The following PMP22 variants were observed in gnomAD, a reference collection of about 807,000 sequenced individuals.
PMP22 encodes the protein peripheral myelin protein 22.
In PMP22, 2 loss-of-function variants were observed where a neutral mutation model predicts 18.9. That is an observed-to-expected ratio of 0.11 (90% CI 0.04 to 0.33). The LOEUF is 0.33. Among genes scored for constraint, PMP22 ranks in the 10% least tolerant of loss-of-function variants. The probability of loss-of-function intolerance (pLI) is 1.00; values close to 1 mark genes in which losing one functional copy is unlikely to be tolerated. For synonymous variants in PMP22, 95 were observed against 89.2 expected (o/e 1.07, Z -0.37); for missense variants, 169 against 202.2 (o/e 0.84, Z 1.00).
At chr17:15,234,067 G>A (rs908505473) in intron 4 of PMP22, among the ~76,000 whole-genome samples, 1 of 152,208 alleles carries the variant, frequency 6.6e-6, no homozygotes, top group African/African-American at 2.4e-5. Flanking sequence ...GCTGGAAGGT[G>A]CATGAGGAGG....
chr17:15,263,513 C>T (rs1051709573), intron 1 of PMP22, among the ~76,000 whole-genome samples: 1 of 151,898 alleles, frequency 6.6e-6, no homozygotes, highest in Non-Finnish European at 1.5e-5. Flanking sequence ...CCTTGAGGCA[C>T]GGGACAGGGA....
Position 15,258,853 on chromosome 17 carries a change from G to T in PMP22, c.178+241C>A, listed in dbSNP as rs1909054829. 4 of 575,442 alleles carry T rather than the reference G, an allele frequency of 7.0e-6. No individual in the cohort carries two copies. The highest frequency in any genetic ancestry group is 9.4e-6 in the Non-Finnish European group (3 of 318,316). 35.6% of individuals were successfully genotyped at this position (575,442 alleles called of 1,614,324 possible). On this transcript the variant is annotated intron_variant, in intron 3 of 4. Transcript: ENST00000312280. This position sits in a 1 kb window ranked among gnomAD's most constrained non-coding sequence, Gnocchi z 4.1. ...AAAAAGCATTATCCTAAGTGATCAGGAGGGCACTAAGGGCATGTCTCTAGG... is the reference window on the plus strand; with the variant it reads ...AAAAAGCATTATCCTAAGTGATCAGTAGGGCACTAAGGGCATGTCTCTAGG...
At chr17:15,250,198 G>T (rs1252307869) in intron 3 of PMP22, among the ~76,000 whole-genome samples, 1 of 152,152 alleles carries the variant, frequency 6.6e-6, no homozygotes, top group Non-Finnish European at 1.5e-5. Context: ...GATTATAGGC[G>T]TGAGCCACCG....
At chr17:15,234,107 G>A (rs951500795) in intron 4 of PMP22, among the ~76,000 whole-genome samples, 1 of 152,162 alleles carries the variant, frequency 6.6e-6, no homozygotes, top group Admixed American at 6.5e-5. Flanking sequence ...GGGTTAGTGA[G>A]TCAAGACAAA....
intron 1 of PMP22, 198 bp from the exon 2 acceptor site, chr17:15,260,959 G>T: frequency 2.8e-6 from 1 of 354,190 alleles, no homozygotes; most frequent in Non-Finnish European, 5.0e-6. Flanking sequence ...CCAGCGCCCA[G>T]TGCCCAGCGC....
chr17:15,238,151 G>C (rs1906973488), intron 4 of PMP22, among the ~76,000 whole-genome samples: 1 of 152,184 alleles, frequency 6.6e-6, no homozygotes, highest in Non-Finnish European at 1.5e-5. Flanking sequence ...CAGGAGCTTG[G>C]CTTGGTGTCA....
chr17:15,238,111 A>G (rs1331113058), intron 4 of PMP22, among the ~76,000 whole-genome samples: 1 of 152,166 alleles, frequency 6.6e-6, no homozygotes, highest in Non-Finnish European at 1.5e-5. Context: ...TCCTTGCATA[A>G]TTAGTCATTT....
At chr17:15,234,044 G>A (rs1237765129) in intron 4 of PMP22, among the ~76,000 whole-genome samples, 1 of 152,208 alleles carries the variant, frequency 6.6e-6, no homozygotes, top group Non-Finnish European at 1.5e-5. Context: ...CAGGGGCAGG[G>A]ACAAGGCAGG....
chr17:15,247,372 C>CAAA (rs1414773921), intron 3 of PMP22, among the ~76,000 whole-genome samples: 1 of 151,868 alleles, frequency 6.6e-6, no homozygotes, highest in African/African-American at 2.4e-5. Context: ...GTCTCAAAAA[C>CAAA]AACAACAACA....
chr17:15,231,016 C>G lies in PMP22; in HGVS notation c.384G>C (p.Ser128=), dbSNP rs757027432. The part of the protein sequence containing the change: ...TVRHPEWHLN[S]DYSYGFAYIL... Reference sequence around the variant, plus strand: ...TGTAGGCGAAACCGTAGGAGTAATCCGAGTTGAGATGCCACTCCGGGTGCC... The same window carrying G: ...TGTAGGCGAAACCGTAGGAGTAATCGGAGTTGAGATGCCACTCCGGGTGCC... The change falls in exon 5 of 5, where the codon TCG becomes TCC. Residue 128 remains serine (S), a synonymous_variant. Coordinates refer to ENST00000312280, the MANE Select transcript of PMP22 (RefSeq NM_000304.4). The G allele has an allele frequency of 6.2e-7, 1 of 1,614,118 alleles. No homozygotes were observed. Among genetic ancestry groups the G allele is most frequent in the Non-Finnish European group, 8.5e-7 (1 of 1,180,004 alleles).
rs558405639 is a variant in PMP22 at position 15,247,206 on chromosome 17, A to G, written c.179-7595T>C. Reference sequence around the variant, plus strand: ...AACACGGTGAAACCTCGTCTCTACTAAAAATACAAAAAATTAGCTGGGCGT... The same window carrying G: ...AACACGGTGAAACCTCGTCTCTACTGAAAATACAAAAAATTAGCTGGGCGT... On this transcript the variant is annotated intron_variant, in intron 3 of 4. Coordinates refer to ENST00000312280, the MANE Select transcript of PMP22 (RefSeq NM_000304.4). Among the ~76,000 whole-genome samples the G allele has an allele frequency of 1.8e-4, 27 of 152,054 alleles. No individual in the cohort carries two copies. The South Asian group carries it at 5.4e-3, about 30-fold the overall frequency.
chr17:15,238,108 A>C (rs1906969185), intron 4 of PMP22, among the ~76,000 whole-genome samples: 1 of 152,170 alleles, frequency 6.6e-6, no homozygotes, highest in South Asian at 2.1e-4. Flanking sequence ...ATCTCCTTGC[A>C]TAATTAGTCA....
chr17:15,254,079 G>A (rs768100566), intron 3 of PMP22, among the ~76,000 whole-genome samples: 1 of 152,216 alleles, frequency 6.6e-6, no homozygotes, highest in African/African-American at 2.4e-5. Flanking sequence ...GAAATTCCAA[G>A]ATGAGGGGAA....
chr17:15,259,295 A>G (rs1597633383), intron 2 of PMP22, 102 bp from the exon 3 acceptor site: 1 of 854,618 alleles, frequency 1.2e-6, no homozygotes, highest in South Asian at 1.4e-5. Flanking sequence ...ACCCGCATCC[A>G]CCTAGCCACA....
At position 15,239,433 on chromosome 17, in the gene PMP22, A is replaced by G. The variant is rs776999058; in HGVS notation, c.319+38T>C. On this transcript the variant is annotated intron_variant, in intron 4 of 4. Transcript: ENST00000312280. ...CTAATCATTCCGCAGACTTGGATGC[A>G]CCCCGCTTCCACATGGACTTTACCA... The G allele has an allele frequency of 3.7e-6, 6 of 1,611,758 alleles. No homozygotes were observed. In the South Asian group the frequency reaches 4.4e-5, roughly 12 times the overall value.
At chr17:15,249,905 T>C (rs2150693090) in intron 3 of PMP22, among the ~76,000 whole-genome samples, 1 of 152,222 alleles carries the variant, frequency 6.6e-6, no homozygotes, top group Middle Eastern at 3.4e-3. Context: ...AGGGGCAGTG[T>C]TGGGTTTAAC....
chr17:15,243,792 T>C (rs145043464), intron 3 of PMP22, among the ~76,000 whole-genome samples: 9,676 of 148,046 alleles, frequency 0.065, 480 homozygotes, highest in East Asian at 0.17. Context: ...ATATAACATA[T>C]AATTATAATT....
Position 15,235,986 on chromosome 17 carries a change from C to T in PMP22, c.319+3485G>A, listed in dbSNP as rs191588258. ...TGTTGGCCGGGCTGGTCTTGAACTC[C>T]TGACCTCAAGTGATCTGCCCACCTC... On this transcript the variant is annotated intron_variant, in intron 4 of 4. Coordinates refer to ENST00000312280, the MANE Select transcript of PMP22 (RefSeq NM_000304.4). Among the ~76,000 whole-genome samples, 450 of 151,886 alleles carry T rather than the reference C, an allele frequency of 3.0e-3. 2 individuals carry two copies. Among genetic ancestry groups the T allele is most frequent in the African/African-American group, 0.01 (428 of 41,432 alleles).
chr17:15,250,019 C>T (rs1244824672), intron 3 of PMP22, among the ~76,000 whole-genome samples: 1 of 152,246 alleles, frequency 6.6e-6, no homozygotes, highest in East Asian at 1.9e-4. Flanking sequence ...GGGTTCACGC[C>T]ATTCTCCTGC....
Sources: allele counts gnomAD v4.1 joint callset (sites outside exome capture counted in the v4.1 genomes callset), GRCh38; gene constraint gnomAD v4.1.1; non-coding constraint Gnocchi (gnomAD v3.1); transcripts MANE v1.5; gene names NCBI Gene and HGNC (gene_info 2026-07-23, HGNC 2026-07-21).